ADAMTS20: variants seen among roughly 807,000 people sequenced by gnomAD.
ADAMTS20 encodes the protein A disintegrin and metalloproteinase with thrombospondin motifs 20.
A neutral mutation model predicts 260.1 loss-of-function variants in ADAMTS20; 225 were observed. The ratio of observed to expected loss-of-function variants is 0.87; its 90% CI spans 0.78 to 0.97. The LOEUF (loss-of-function observed/expected upper bound fraction) is 0.97. ADAMTS20 is among the 50% of genes least tolerant of loss of function. The pLI is 0.00. For synonymous variants in ADAMTS20, 802 were observed against 769.5 expected, an observed-to-expected ratio of 1.04 and a Z score of -0.70; for missense variants, 2,400 against 2,337.7, an observed-to-expected ratio of 1.03 and a Z score of -0.55.
intron 37 of ADAMTS20, among the ~76,000 whole-genome samples, chr12:43,361,131 A>G (rs1326000997): frequency 3.3e-5 from 5 of 152,220 alleles, no homozygotes; most frequent in South Asian, 2.1e-4. Flanking sequence ...AAAGAGTGCC[A>G]TATGTGTCCA....
At chr12:43,396,465 T>G (rs574776486) in intron 29 of ADAMTS20, among the ~76,000 whole-genome samples, 1 of 152,328 alleles carries the variant, frequency 6.6e-6, no homozygotes, top group South Asian at 2.1e-4. Flanking sequence ...TTATATGTAG[T>G]GCAATGACAG....
intron 15 of ADAMTS20, among the ~76,000 whole-genome samples, chr12:43,445,607 G>T (rs1941745061): frequency 1.3e-5 from 2 of 152,068 alleles, no homozygotes; most frequent in Non-Finnish European, 2.9e-5. Context: ...GACTTTGGGA[G>T]GCCGAGATGG....
At chr12:43,414,226 T>C (rs1941088264) in intron 28 of ADAMTS20, among the ~76,000 whole-genome samples, 1 of 152,142 alleles carries the variant, frequency 6.6e-6, no homozygotes, top group Non-Finnish European at 1.5e-5. Context: ...TTTCAAATAA[T>C]TTTAAAATAA....
chr12:43,427,315 C>A lies in ADAMTS20; in HGVS notation c.4100G>T (p.Trp1367Leu). The change falls in exon 27 of 39, where the codon TGG (tryptophan) becomes TTG (leucine). Residue 1367 changes from tryptophan to leucine, a missense_variant. By Grantham distance (61) the Trp-to-Leu change is moderately conservative. Coordinates refer to ENST00000389420, the MANE Select transcript of ADAMTS20 (RefSeq NM_025003.5). ...GAAAATATTATGACTTACTTCTCCC[C>A]AATTTCCGTAGTTCCACTGTGGACA... ...GPCPQWNYGNWGECSQTCGGG... is the reference protein window; with the variant it reads ...GPCPQWNYGNLGECSQTCGGG... 6.2e-7 allele frequency: 1 copy of A among 1,610,660 alleles called. No homozygotes were observed. Among genetic ancestry groups the A allele is most frequent in the Non-Finnish European group, 8.5e-7 (1 of 1,178,960 alleles).
At chr12:43,525,229 A>T (rs1345100499) in intron 3 of ADAMTS20, among the ~76,000 whole-genome samples, 1 of 152,240 alleles carries the variant, frequency 6.6e-6, no homozygotes, top group East Asian at 1.9e-4. Flanking sequence ...TTTTAGCTTT[A>T]GCCTCCTTAG....
chr12:43,455,007 T>A lies in ADAMTS20; in HGVS notation c.1615-955A>T, dbSNP rs190513475. ...GCAACCAATCTCCAGAACTTTTCCA[T>A]CTTGCAAAACTGAAGCCCTATACCC... is the stretch of plus-strand genomic sequence containing the variant. On this transcript the variant is annotated intron_variant, in intron 11 of 38. Coordinates refer to ENST00000389420, the MANE Select transcript of ADAMTS20 (RefSeq NM_025003.5). 3.4e-4 allele frequency among the ~76,000 whole-genome samples: 52 copies of A among 152,316 alleles called. No individual in the cohort carries two copies. The East Asian group carries it at 9.1e-3, about 27-fold the overall frequency.
At chr12:43,524,561 T>C (rs1231940077) in intron 3 of ADAMTS20, among the ~76,000 whole-genome samples, 1 of 75,134 alleles carries the variant, frequency 1.3e-5, no homozygotes, top group Non-Finnish European at 2.7e-5. Context: ...ATTTAGTTAC[T>C]CAAGAAGAAG....
intron 2 of ADAMTS20, among the ~76,000 whole-genome samples, chr12:43,534,174 A>G (rs1226579356): frequency 7.5e-6 from 1 of 134,090 alleles, no homozygotes; most frequent in Non-Finnish European, 1.6e-5. Context: ...AGAAACTACC[A>G]TCAGAGTGAA....
Position 43,490,975 on chromosome 12 carries a change from A to C in ADAMTS20, c.1077-540T>G, listed in dbSNP as rs573795083. On this transcript the variant is annotated intron_variant, in intron 6 of 38. Coordinates refer to ENST00000389420, the MANE Select transcript of ADAMTS20 (RefSeq NM_025003.5). ...TCTCTCCTGCTTGGCTTTTAACTAC[A>C]ATCCAAGGAAGAACCATGGACTATA... Among the ~76,000 whole-genome samples the C allele has an allele frequency of 3.3e-5, 5 of 152,100 alleles. No homozygotes were observed. The South Asian group carries it at 8.3e-4, about 25-fold the overall frequency.
intron 36 of ADAMTS20, among the ~76,000 whole-genome samples, chr12:43,372,262 C>T (rs747266622): frequency 6.6e-6 from 1 of 152,044 alleles, no homozygotes; most frequent in Admixed American, 6.6e-5. Flanking sequence ...CTTGCCAAGT[C>T]GAGAAACAGT....
At chr12:43,490,373 C>T (rs1175285287) in intron 7 of ADAMTS20, 22 bp downstream of exon 7, 1 of 1,170,324 alleles carries the variant, frequency 8.5e-7, no homozygotes, top group Non-Finnish European at 1.2e-6. Context: ...ATAAGCTAAA[C>T]TTAATTGACA....
At chr12:43,462,853 G>T in intron 11 of ADAMTS20, 42 bp downstream of exon 11, 1 of 1,490,570 alleles carries the variant, frequency 6.7e-7, no homozygotes, top group Non-Finnish European at 9.2e-7. Context: ...CACATCCTTG[G>T]ATAATATCTT....
intron 3 of ADAMTS20, among the ~76,000 whole-genome samples, chr12:43,510,829 A>C (rs754291997): frequency 6.6e-6 from 1 of 152,084 alleles, no homozygotes; most frequent in Non-Finnish European, 1.5e-5. Context: ...AATAATAAGA[A>C]TATAAACTAC....
downstream of ADAMTS20, among the ~76,000 whole-genome samples, chr12:43,353,521 T>C (rs1446339031): frequency 6.6e-6 from 1 of 152,040 alleles, no homozygotes; most frequent in Non-Finnish European, 1.5e-5. Flanking sequence ...AATTAAATTA[T>C]ATCATATCTT....
chr12:43,374,322 T>C (rs1402330307), intron 36 of ADAMTS20, among the ~76,000 whole-genome samples: 1 of 152,188 alleles, frequency 6.6e-6, no homozygotes, highest in Non-Finnish European at 1.5e-5. Flanking sequence ...TTTTTATTGC[T>C]TTCTATGACT....
intron 15 of ADAMTS20, among the ~76,000 whole-genome samples, chr12:43,446,353 C>T (rs938567848): frequency 4.6e-5 from 7 of 152,148 alleles, no homozygotes; most frequent in Non-Finnish European, 1.0e-4. Context: ...CTAAGAAATG[C>T]ACCTAATACA....
chr12:43,480,126 A>G (rs1188143922), intron 7 of ADAMTS20, among the ~76,000 whole-genome samples: 2 of 152,326 alleles, frequency 1.3e-5, no homozygotes, highest in African/African-American at 4.8e-5. Context: ...GAGAAACTCC[A>G]TAAATGGTTA....
At chr12:43,435,015 G>A (rs943092415) in intron 18 of ADAMTS20, among the ~76,000 whole-genome samples, 2 of 140,948 alleles carry the variant, frequency 1.4e-5, no homozygotes, top group Non-Finnish European at 3.0e-5. Flanking sequence ...CACCAGTTGT[G>A]GGGGAAGGAA....
chr12:43,432,790 A>G lies in ADAMTS20; in HGVS notation c.2742T>C (p.Ser914=). The G allele has an allele frequency of 6.2e-7, 1 of 1,613,920 alleles. No homozygotes were observed. ...CTTGACCACATTGGGATGAACATTC[A>G]CTTTTGCCAATAACATGCCACCTTG... ...CELRWHVIGK[S]ECSSQCGQGY... Residue 914 remains serine, a synonymous_variant, in exon 20 of 39, where the codon AGT becomes AGC. Transcript: ENST00000389420.
Sources: allele counts gnomAD v4.1 joint callset (sites outside exome capture counted in the v4.1 genomes callset), GRCh38; gene constraint gnomAD v4.1.1; transcripts MANE v1.5; gene names NCBI Gene and HGNC (gene_info 2026-07-23, HGNC 2026-07-21).